Variants in MGST1 observed in about 807,000 individuals in gnomAD.
MGST1 encodes microsomal glutathione S-transferase 1.
In MGST1, 5 loss-of-function variants were observed where a neutral mutation model predicts 8.9. The ratio of observed to expected loss-of-function variants is 0.56; its 90% CI spans 0.29 to 1.19. The LOEUF is 1.19. MGST1 is among the 50% of genes most tolerant of loss of function. MGST1 has a pLI of 0.08. For missense variants in MGST1, 182 were observed against 187.4 expected (o/e 0.97, Z 0.17); for synonymous variants, 54 against 67.8 (o/e 0.80, Z 1.00).
chr12:16,467,922 G>T (rs1238611511), intron 4 of MGST1, among the ~76,000 whole-genome samples: 1 of 152,168 alleles, frequency 6.6e-6, no homozygotes, highest in African/African-American at 2.4e-5. Flanking sequence ...TCCTCCTGTT[G>T]TTTGACTGTG....
chr12:16,375,984 T>C, intron 3 of MGST1: 1 of 465,020 alleles, frequency 2.2e-6, no homozygotes, highest in Non-Finnish European at 3.5e-6. Context: ...TCATAAGATA[T>C]ATACACACAC....
rs938726275 is a variant in MGST1, at chr12:16,479,899, G to T, written n.482+96295G>T. ...GAGGGTACAGAGATTGCCCACATATGCCCCACCACCTAACATTTTAAAACA... is the reference window on the plus strand; with the variant it reads ...GAGGGTACAGAGATTGCCCACATATTCCCCACCACCTAACATTTTAAAACA... On this transcript the variant is annotated intron_variant and non_coding_transcript_variant, in intron 4 of 4. Transcript: ENST00000538857. Among the ~76,000 whole-genome samples the T allele has an allele frequency of 4.6e-5, 7 of 152,058 alleles. 1 individual carries two copies. Among genetic ancestry groups the T allele is most frequent in the Admixed American group, 3.3e-4 (5 of 15,268 alleles).
intron 4 of MGST1, among the ~76,000 whole-genome samples, chr12:16,496,556 G>A (rs1941471400): frequency 6.6e-6 from 1 of 151,938 alleles, no homozygotes; most frequent in African/African-American, 2.4e-5. Flanking sequence ...TGAGGTTTGG[G>A]GTACGACTAA....
chr12:16,446,310 G>GGT lies in MGST1; in HGVS notation n.482+62708_482+62709dup, dbSNP rs76753570. Among the ~76,000 whole-genome samples the GGT allele has an allele frequency of 8.9e-3, 1,360 of 151,980 alleles. 74 individuals are homozygous for GGT. The East Asian group carries it at 0.17, about 19-fold the overall frequency. ...AATTATTTCAATATGTGTTTGTCCA[G>GGT]GTGCAGTCTTTTCTTCTTGGGACAT... On this transcript the variant is annotated intron_variant and non_coding_transcript_variant, in intron 4 of 4. Coordinates refer to the MGST1 transcript ENST00000538857.
chr12:16,399,726 C>T, intron 1 of MGST1: 5 of 1,189,452 alleles, frequency 4.2e-6, no homozygotes, highest in South Asian at 3.6e-5. Context: ...TGCTTTAGTC[C>T]AGTTGAGGGA....
rs3815565 is a variant in MGST1, at chr12:16,361,997, C to T, written c.222-1798C>T. 0.081 allele frequency among the ~76,000 whole-genome samples: 12,267 copies of T among 152,160 alleles called. 584 individuals are homozygous for T. The highest frequency in any genetic ancestry group is 0.22 in the East Asian group (1,158 of 5,158). On this transcript the variant is annotated intron_variant, in intron 3 of 3. Coordinates refer to ENST00000396210, the MANE Select transcript of MGST1 (RefSeq NM_020300.5). This position sits in a 1 kb window ranked among gnomAD's most constrained non-coding sequence, Gnocchi z 4.2. The stretch of plus-strand genomic sequence containing the variant: ...CTATTTGTCAACTGCGTAACACAGG[C>T]GTAGAAGTGGACATTGTTTTCCAGA...
Position 16,586,143 on chromosome 12 carries a change from T to C in MGST1, n.483-3385T>C, listed in dbSNP as rs1481665118. On this transcript the variant is annotated intron_variant and non_coding_transcript_variant, in intron 4 of 4. Coordinates refer to the MGST1 transcript ENST00000538857. The surrounding 1 kb of genome is among the most constrained non-coding windows in gnomAD (Gnocchi z 4.3). ...ATCAAAGACACAGGGAAGGATAAAT[T>C]AAAAACCATCACAAGGAATAATTCA... is the stretch of plus-strand genomic sequence containing the variant. Among the ~76,000 whole-genome samples the C allele has an allele frequency of 3.3e-5, 5 of 152,174 alleles. No individual in the cohort carries two copies. The highest frequency in any genetic ancestry group is 1.3e-4 in the Admixed American group (2 of 15,270).
chr12:16,385,131 T>C (rs1446118799), intron 1 of MGST1, among the ~76,000 whole-genome samples: 1 of 152,174 alleles, frequency 6.6e-6, no homozygotes, highest in Non-Finnish European at 1.5e-5. Context: ...TATTTGCAAC[T>C]CAGAGAAGCA....
Position 16,364,188 on chromosome 12 carries a change from A to G in MGST1, c.*147A>G. 2 of 1,338,032 alleles carry G rather than the reference A, an allele frequency of 1.5e-6. No homozygotes were observed. The highest frequency in any genetic ancestry group is 4.7e-5 in the South Asian group (2 of 42,862). 82.9% of individuals were successfully genotyped at this position (1,338,032 alleles called of 1,614,324 possible). On this transcript the variant is annotated 3_prime_UTR_variant, in exon 4 of 4. Transcript: ENST00000396210. This position sits in a 1 kb window ranked among gnomAD's most constrained non-coding sequence, Gnocchi z 5.7. Reference sequence around the variant, plus strand: ...CCCATTTTGAATATTAGCATTGCCAATATCCTGTATTCTTGTTTTACATTT... The same window carrying G: ...CCCATTTTGAATATTAGCATTGCCAGTATCCTGTATTCTTGTTTTACATTT...
intron 4 of MGST1, among the ~76,000 whole-genome samples, chr12:16,495,250 T>C: frequency 6.6e-6 from 1 of 151,980 alleles, no homozygotes; most frequent in Non-Finnish European, 1.5e-5. Context: ...TCACTTATAA[T>C]TGGGAGCTAA....
At chr12:16,525,208 A>C (rs546603851) in intron 4 of MGST1, among the ~76,000 whole-genome samples, 244 of 151,562 alleles carry the variant, frequency 1.6e-3, no homozygotes, top group Middle Eastern at 0.01. Context: ...GGTTAGTTAC[A>C]TATGTATACA....
intron 4 of MGST1, among the ~76,000 whole-genome samples, chr12:16,506,485 C>CA (rs1941538561): frequency 6.6e-6 from 1 of 152,010 alleles, no homozygotes; most frequent in South Asian, 2.1e-4. Context: ...ACCTGAGAGA[C>CA]ATATAGAGAA....
chr12:16,566,764 G>A (rs73054117), intron 4 of MGST1, among the ~76,000 whole-genome samples: 5,957 of 152,024 alleles, frequency 0.039, 174 homozygotes, highest in Non-Finnish European at 0.06. Context: ...AAAGTTCAAC[G>A]TATAAATATA....
chr12:16,519,806 G>A (rs1034541445), intron 4 of MGST1, among the ~76,000 whole-genome samples: 5 of 152,202 alleles, frequency 3.3e-5, no homozygotes, highest in Admixed American at 6.5e-5. Flanking sequence ...TTCTGAAGAG[G>A]TTCTCATATT....
Position 16,362,822 on chromosome 12 carries a change from G to A in MGST1, c.222-973G>A, listed in dbSNP as rs1401350905. On this transcript the variant is annotated intron_variant, in intron 3 of 3. Transcript: ENST00000396210. The surrounding 1 kb of genome is among the most constrained non-coding windows in gnomAD (Gnocchi z 4.4). Reference sequence around the variant, plus strand: ...AAAAATTAGCCAGGCATGGTGGTGAGGCCTGTAGTCCCAGCTACTCATGAT... The same window carrying A: ...AAAAATTAGCCAGGCATGGTGGTGAAGCCTGTAGTCCCAGCTACTCATGAT... 2 of 152,074 alleles carry A rather than the reference G, an allele frequency of 1.3e-5. No homozygotes were observed. Among genetic ancestry groups the A allele is most frequent in the Non-Finnish European group, 2.9e-5 (2 of 68,074 alleles). The allele number at this position is 152,074 out of a possible 1,614,324, so 9.4% of individuals were successfully genotyped here. A position where few individuals can be genotyped will look rare whatever the true frequency, so the allele number is the denominator to read the frequency against.
At chr12:16,534,476 G>T (rs1207571853) in intron 4 of MGST1, among the ~76,000 whole-genome samples, 1 of 152,082 alleles carries the variant, frequency 6.6e-6, no homozygotes, top group Non-Finnish European at 1.5e-5. Flanking sequence ...TCTTTTTATT[G>T]TGTATTCTAG....
At chr12:16,404,636 G>A (rs1940684764) in intron 1 of MGST1, among the ~76,000 whole-genome samples, 1 of 151,956 alleles carries the variant, frequency 6.6e-6, no homozygotes, top group African/African-American at 2.4e-5. Flanking sequence ...CCTTCTCTGG[G>A]ACATTTCAAG....
chr12:16,586,567 A>G lies in MGST1; in HGVS notation n.483-2961A>G, dbSNP rs1027300624. The stretch of plus-strand genomic sequence containing the variant: ...TCAGGCCAACTGAATTCTGGAGGAC[A>G]TATGCAAAGACACTGCATTTCATCT... On this transcript the variant is annotated intron_variant and non_coding_transcript_variant, in intron 4 of 4. Coordinates refer to the MGST1 transcript ENST00000538857. The surrounding 1 kb of genome is among the most constrained non-coding windows in gnomAD (Gnocchi z 4.3). Among the ~76,000 whole-genome samples, 1 of 152,188 alleles carries G rather than the reference A, an allele frequency of 6.6e-6. No homozygotes were observed. The highest frequency in any genetic ancestry group is 2.1e-4 in the South Asian group (1 of 4,832).
At chr12:16,515,667 AT>A (rs1941608822) in intron 4 of MGST1, among the ~76,000 whole-genome samples, 1 of 151,990 alleles carries the variant, frequency 6.6e-6, no homozygotes, top group Admixed American at 6.5e-5. Context: ...AGAATAAAGA[AT>A]GTAATTTTCT....
Sources: allele counts gnomAD v4.1 joint callset (sites outside exome capture counted in the v4.1 genomes callset), GRCh38; gene constraint gnomAD v4.1.1; non-coding constraint Gnocchi (gnomAD v3.1); transcripts MANE v1.5; gene names NCBI Gene and HGNC (gene_info 2026-07-23, HGNC 2026-07-21).